PLA2G4B: variants seen among roughly 807,000 people sequenced by gnomAD.
PLA2G4B encodes the protein phospholipase A2 group IVB.
In PLA2G4B, 122 loss-of-function variants were observed where a neutral mutation model predicts 95.8. The ratio of observed to expected loss-of-function variants is 1.27; its 90% CI spans 1.10 to 1.48. The LOEUF is 1.48. Among genes scored for constraint, PLA2G4B ranks in the 40% most tolerant of loss-of-function variants. PLA2G4B has a pLI of 0.00. For synonymous variants in PLA2G4B, 518 were observed against 421.5 expected (o/e 1.23, Z -2.80); for missense variants, 1,158 against 996.2 (o/e 1.16, Z -2.19).
In PLA2G4B at chr15:41,847,636, A is replaced by T. The variant is rs1049119153; in HGVS notation, c.2135-13A>T. On this transcript the variant is annotated splice_polypyrimidine_tract_variant and intron_variant, in intron 19 of 19. Transcript: ENST00000458483. ...CAACGTGTTCCCCATGCCAGGCTGCACTCTCTCCACAGGGGTCCGGCGGAC... is the reference window on the plus strand; with the variant it reads ...CAACGTGTTCCCCATGCCAGGCTGCTCTCTCTCCACAGGGGTCCGGCGGAC... 4 of 1,613,166 alleles carry T rather than the reference A, an allele frequency of 2.5e-6. No homozygotes were observed. The highest frequency in any genetic ancestry group is 3.4e-6 in the Non-Finnish European group (4 of 1,179,968).
At chr15:41,845,541 G>A (rs2065523278) in intron 14 of PLA2G4B, 97 bp from the exon 15 acceptor site, 2 of 1,545,652 alleles carry the variant, frequency 1.3e-6, no homozygotes, top group East Asian at 2.3e-5. Context: ...TGGGCCTCCT[G>A]GTCCTCAGCT....
At chr15:41,847,199 T>C (rs201739831) in intron 18 of PLA2G4B, 138 bp from the exon 19 acceptor site, 2 of 1,250,252 alleles carry the variant, frequency 1.6e-6, no homozygotes, top group Non-Finnish European at 1.1e-6. Context: ...AGAGTTTTTT[T>C]CCAACGACTG....
At position 41,845,647 on chromosome 15, in the gene PLA2G4B, A is replaced by C; in HGVS notation, c.1367A>C (p.Glu456Ala). The C allele has an allele frequency of 6.2e-7, 1 of 1,614,126 alleles. No individual in the cohort carries two copies. Among genetic ancestry groups the C allele is most frequent in the Non-Finnish European group, 8.5e-7 (1 of 1,180,008 alleles). Residue 456 changes from glutamate to alanine, a missense_variant, in exon 15 of 20, where the codon GAG becomes GCG. Physicochemically the swap from Glu to Ala is moderately radical, Grantham distance 107. Coordinates refer to ENST00000458483, the MANE Select transcript of PLA2G4B (RefSeq NM_001114633.2). ...LTTFEFGEWCEFSPYEVGFPK... is the reference protein window; with the variant it reads ...LTTFEFGEWCAFSPYEVGFPK... ...CGTGGACTCCTCACAGAGTGGTGCG[A>C]GTTCTCTCCCTACGAGGTCGGCTTC...
rs568896584 is a variant in PLA2G4B at position 41,842,119 on chromosome 15, C to T, written c.622-74C>T. On this transcript the variant is annotated intron_variant, in intron 8 of 19. Coordinates refer to ENST00000458483, the MANE Select transcript of PLA2G4B (RefSeq NM_001114633.2). ...CCTCCCATAACTCTATGGCTGCCGG[C>T]GGGAGTTTGGTGAGGTCTTTGCTAG... The T allele has an allele frequency of 9.8e-4, 1,564 of 1,593,412 alleles. 4 individuals are homozygous for T. The highest frequency in any genetic ancestry group is 1.1e-3 in the Non-Finnish European group (1,252 of 1,167,362).
At position 41,845,794 on chromosome 15, in the gene PLA2G4B, C is replaced by A; in HGVS notation, c.1495+19C>A. 1.9e-6 allele frequency: 3 copies of A among 1,573,974 alleles called. No individual in the cohort carries two copies. Among genetic ancestry groups the A allele is most frequent in the Non-Finnish European group, 1.7e-6 (2 of 1,159,328 alleles). The stretch of plus-strand genomic sequence containing the variant: ...TTAGAAGGTGAGGGGCACTGGCAGG[C>A]TGGGGAAGCTGGGCCGAGCAGGGAA... On this transcript the variant is annotated intron_variant, in intron 15 of 19. Coordinates refer to ENST00000458483, the MANE Select transcript of PLA2G4B (RefSeq NM_001114633.2).
Position 41,846,287 on chromosome 15 carries a change from C to A in PLA2G4B, c.1685C>A (p.Thr562Lys). Residue 562 changes from threonine (T) to lysine (K), a missense_variant, in exon 17 of 20, where the codon ACG becomes AAG. Physicochemically the swap from Thr to Lys is moderately conservative, Grantham distance 78. Coordinates refer to ENST00000458483, the MANE Select transcript of PLA2G4B (RefSeq NM_001114633.2). ...GCTGAGTTTTTCACCGATCTTCTGA[C>A]GTGGCGTCCACTGGCCCAGGCCACA... ...RIAEFFTDLL[T>K]WRPLAQATHN... 6.2e-7 allele frequency: 1 copy of A among 1,614,092 alleles called. No homozygotes were observed. The highest frequency in any genetic ancestry group is 1.1e-5 in the South Asian group (1 of 91,082).
Position 41,845,395 on chromosome 15 carries a change from T to C in PLA2G4B, c.1357+75T>C. On this transcript the variant is annotated intron_variant, in intron 14 of 19. Coordinates refer to ENST00000458483, the MANE Select transcript of PLA2G4B (RefSeq NM_001114633.2). ...GGGGAGAACGAGGACTGTGTGCAGA[T>C]TGCAGATGTCACACCCACCTCTCCT... The C allele has an allele frequency of 4.5e-6, 7 of 1,544,236 alleles. No individual in the cohort carries two copies. The East Asian group carries it at 9.1e-5, about 20-fold the overall frequency.
At chr15:41,844,760 G>A (rs2065501354) in intron 12 of PLA2G4B, 88 bp from the exon 13 acceptor site, 2 of 1,537,860 alleles carry the variant, frequency 1.3e-6, no homozygotes, top group African/African-American at 1.4e-5. Flanking sequence ...TCCCTGCCAG[G>A]CCATTGTCCT....
At position 41,847,827 on chromosome 15, in the gene PLA2G4B, A is replaced by G. The variant is rs772283494; in HGVS notation, c.2313A>G (p.Ala771=). The G allele has an allele frequency of 2.5e-6, 4 of 1,613,128 alleles. No homozygotes were observed. Among genetic ancestry groups the G allele is most frequent in the Non-Finnish European group, 2.5e-6 (3 of 1,180,010 alleles). ...AGCTGCTGGAGGCTCTGCGCCAGGC[A>G]GTGCAGCGGAGGCGGCAGCGCAGGC... The part of the protein sequence containing the change: ...QEQLLEALRQ[A]VQRRRQRRPH Residue 771 remains alanine (A), a synonymous_variant, in exon 20 of 20, where the codon GCA becomes GCG. Transcript: ENST00000458483.
In PLA2G4B at chr15:41,847,831, C is replaced by T. The variant is rs1555458956; in HGVS notation, c.2317C>T (p.Gln773Ter). ...QLLEALRQAV[Q>*]RRRQRRPH ...GCTGGAGGCTCTGCGCCAGGCAGTG[C>T]AGCGGAGGCGGCAGCGCAGGCCCCA... Residue 773 changes from glutamine to a stop codon, truncating the protein, a stop_gained, in exon 20 of 20, where the codon CAG becomes TAG. Coordinates refer to ENST00000458483, the MANE Select transcript of PLA2G4B (RefSeq NM_001114633.2). LOFTEE classifies it high-confidence loss of function. The T allele has an allele frequency of 1.9e-6, 3 of 1,613,102 alleles. No individual in the cohort carries two copies. The highest frequency in any genetic ancestry group is 2.2e-5 in the South Asian group (2 of 91,082).
At chr15:41,842,412 TC>T in intron 9 of PLA2G4B, 136 bp downstream of exon 9, 1 of 1,543,822 alleles carries the variant, frequency 6.5e-7, no homozygotes, top group Non-Finnish European at 8.7e-7. Context: ...TTGGGGAGTG[TC>T]CTCTGAGCAT....
chr15:41,845,757 C>T lies in PLA2G4B; in HGVS notation c.1477C>T (p.Arg493Cys), dbSNP rs140808455. ...GCTGATGAAGAGGCTTCCTGAGTCC[C>T]GCATCTGCTTCTTAGAAGGTGAGGG... ...GQLMKRLPES[R>C]ICFLEGIWSN... Residue 493 changes from arginine to cysteine, a missense_variant, in exon 15 of 20, where the codon CGC becomes TGC. Arg to Cys is a radical substitution (Grantham distance 180). Transcript: ENST00000458483. The T allele has an allele frequency of 1.2e-5, 20 of 1,603,646 alleles. No homozygotes were observed. The highest frequency in any genetic ancestry group is 8.0e-5 in the African/African-American group (6 of 74,538).
intron 9 of PLA2G4B, 66 bp downstream of exon 9, chr15:41,842,342 G>A: frequency 6.3e-7 from 1 of 1,599,760 alleles, no homozygotes; most frequent in Non-Finnish European, 8.5e-7. Context: ...CACAAAGGGA[G>A]GGGCCTGCTT....
rs763149209 is a variant in PLA2G4B at position 41,846,246 on chromosome 15, A to G, written c.1644A>G (p.Ser548=). The G allele has an allele frequency of 1.1e-5, 18 of 1,613,974 alleles. No homozygotes were observed. Among genetic ancestry groups the G allele is most frequent in the Admixed American group, 1.7e-5 (1 of 60,004 alleles). The change falls in exon 17 of 20, where the codon TCA becomes TCG. Residue 548 remains serine, a synonymous_variant. Transcript: ENST00000458483. The stretch of plus-strand genomic sequence containing the variant: ...TTCTGAAGATAGAAGAACCACCCTC[A>G]ACAGCCGGCAGGATAGCTGAGTTTT... The part of the protein sequence containing the change: ...VPLLKIEEPP[S]TAGRIAEFFT...
intron 14 of PLA2G4B, 120 bp from the exon 15 acceptor site, chr15:41,845,518 A>C: frequency 6.6e-7 from 1 of 1,512,440 alleles, no homozygotes; most frequent in South Asian, 1.3e-5. Context: ...CACGAAGCCC[A>C]GGCCACAAGG....
chr15:41,846,028 C>G lies in PLA2G4B; in HGVS notation c.1581C>G (p.Val527=). 2 of 1,550,602 alleles carry G rather than the reference C, an allele frequency of 1.3e-6. No homozygotes were observed. Among genetic ancestry groups the G allele is most frequent in the Non-Finnish European group, 1.7e-6 (2 of 1,147,998 alleles). The change falls in exon 16 of 20, where the codon GTC becomes GTG. Residue 527 remains valine, a synonymous_variant. Transcript: ENST00000458483. ...CCAGCCAGTTCTGGGACCGCTGGGTCAGGAACCAGGCCAACCTGGGTAAGT... is the reference window on the plus strand; with the variant it reads ...CCAGCCAGTTCTGGGACCGCTGGGTGAGGAACCAGGCCAACCTGGGTAAGT... ...SEPSQFWDRW[V]RNQANLDKEQ... is the part of the protein sequence containing the mutation.
Position 41,846,670 on chromosome 15 carries a change from TACC to T in PLA2G4B, c.1785_1787del (p.Thr596del). On this transcript the variant is annotated inframe_deletion and splice_region_variant, in exon 18 of 20. Transcript: ENST00000458483. ...TTGCTGCTCTCCCCAACCTTCCAGCTACCACTCTGGATGGGCTCCCCAACCAGC... is the reference window on the plus strand; with the variant it reads ...TTGCTGCTCTCCCCAACCTTCCAGCTACTCTGGATGGGCTCCCCAACCAGC... The T allele has an allele frequency of 6.2e-7, 1 of 1,605,572 alleles. No individual in the cohort carries two copies. Among genetic ancestry groups the T allele is most frequent in the Admixed American group, 1.7e-5 (1 of 59,240 alleles).
intron 15 of PLA2G4B, 65 bp from the exon 16 acceptor site, chr15:41,845,878 C>T: frequency 6.6e-7 from 1 of 1,517,818 alleles, no homozygotes. Context: ...CCAGGACTGG[C>T]CATGGGGAAG....
intron 5 of PLA2G4B, 33 bp from the exon 6 acceptor site, chr15:41,841,198 T>C (rs1044292842): frequency 6.2e-7 from 1 of 1,613,956 alleles, no homozygotes; most frequent in South Asian, 1.1e-5. Flanking sequence ...GAACCTGGAC[T>C]CCTGCTAAGG....
Sources: gnomAD v4.1 joint callset for allele counts on GRCh38, gnomAD v4.1.1 for gene constraint, MANE v1.5 for transcripts, NCBI Gene and HGNC (gene_info 2026-07-23, HGNC 2026-07-21) for gene names.